SNX9: variants seen among roughly 807,000 people sequenced by gnomAD.
SNX9 encodes sorting nexin-9.
Under a neutral mutation model 89.4 loss-of-function variants are expected in SNX9, and 44 were observed. That is an observed-to-expected ratio of 0.49 (90% CI 0.39 to 0.63). The LOEUF (loss-of-function observed/expected upper bound fraction) is 0.63, where lower values mean the gene tolerates loss of function less well. Among genes scored for constraint, SNX9 ranks in the 30% least tolerant of loss-of-function variants. The pLI, the probability that SNX9 is intolerant of heterozygous loss-of-function variation, is 0.00. For synonymous variants in SNX9, 236 were observed against 247.8 expected, an observed-to-expected ratio of 0.95 and a Z score of 0.45; for missense variants, 578 against 736.1, an observed-to-expected ratio of 0.79 and a Z score of 2.49.
chr6:157,929,360 C>T (rs1783762194), intron 12 of SNX9, among the ~76,000 whole-genome samples: 1 of 152,242 alleles, frequency 6.6e-6, no homozygotes. Flanking sequence ...CGGGCTGCTG[C>T]CCTGTTACAC....
chr6:157,917,481 A>C (rs527448393), intron 9 of SNX9, among the ~76,000 whole-genome samples: 6 of 152,218 alleles, frequency 3.9e-5, no homozygotes, highest in African/African-American at 1.4e-4. Flanking sequence ...TACCTTATTG[A>C]GTTTTCATGT....
In SNX9 at chr6:157,870,318, ACT is replaced by A. The variant is rs140706364; in HGVS notation, c.99+2691_99+2692del. 2.0e-3 allele frequency among the ~76,000 whole-genome samples: 281 copies of A among 140,338 alleles called. 2 individuals carry two copies. The East Asian group carries it at 0.03, about 15-fold the overall frequency. 92.1% of individuals were successfully genotyped at this position (140,338 alleles called of 152,430 possible). ...CACGTGTGAGCACGCACACACACCT[ACT>A]CTCTCACCTGCGCTCACACTCACAC... On this transcript the variant is annotated intron_variant, in intron 2 of 17. Transcript: ENST00000392185.
chr6:157,911,290 G>A (rs527719512), intron 9 of SNX9, among the ~76,000 whole-genome samples: 38 of 152,272 alleles, frequency 2.5e-4, no homozygotes, highest in Admixed American at 3.9e-4. Context: ...TGTAAGAGAT[G>A]TAAAAGAGAC....
intron 1 of SNX9, among the ~76,000 whole-genome samples, chr6:157,840,992 G>A (rs762001614): frequency 6.6e-6 from 1 of 152,116 alleles, no homozygotes; most frequent in Non-Finnish European, 1.5e-5. Flanking sequence ...TCTGATCAGC[G>A]ACTCACTGCA....
At chr6:157,865,452 T>A (rs1393159168) in intron 1 of SNX9, among the ~76,000 whole-genome samples, 1 of 147,352 alleles carries the variant, frequency 6.8e-6, no homozygotes, top group Non-Finnish European at 1.5e-5. Flanking sequence ...CATGACGCCC[T>A]GAGGGGAGCC....
chr6:157,914,537 C>T (rs754441232), intron 9 of SNX9, among the ~76,000 whole-genome samples: 21 of 125,846 alleles, frequency 1.7e-4, no homozygotes, highest in Non-Finnish European at 2.8e-4. Context: ...AGTGCAGTGG[C>T]ACCATCTCAG....
At chr6:157,916,006 G>A (rs980853669) in intron 9 of SNX9, among the ~76,000 whole-genome samples, 2 of 151,006 alleles carry the variant, frequency 1.3e-5, no homozygotes, top group African/African-American at 2.4e-5. Flanking sequence ...CTTTTTTGTG[G>A]GTATGGATTC....
rs1459436010 is a variant in SNX9 at position 157,826,796 on chromosome 6, A to G, written c.12+3350A>G. 8.8e-5 allele frequency among the ~76,000 whole-genome samples: 9 copies of G among 102,642 alleles called. No homozygotes were observed. In the East Asian group the frequency reaches 2.3e-3, roughly 27 times the overall value. 67.3% of individuals were successfully genotyped at this position (102,642 alleles called of 152,430 possible). The stretch of plus-strand genomic sequence containing the variant: ...TATAAATATATTATATTATATATAT[A>G]TATTATATTTTATATATAAATATAT... On this transcript the variant is annotated intron_variant, in intron 1 of 17. Transcript: ENST00000392185.
intron 1 of SNX9, among the ~76,000 whole-genome samples, chr6:157,834,150 G>GGT (rs1781529539): frequency 2.8e-5 from 1 of 35,620 alleles, no homozygotes; most frequent in Non-Finnish European, 4.8e-5. Flanking sequence ...GTCCACTGTG[G>GGT]TTTTTTTTTT....
chr6:157,842,194 T>C (rs1228004538), intron 1 of SNX9, among the ~76,000 whole-genome samples: 1 of 152,240 alleles, frequency 6.6e-6, no homozygotes, highest in Non-Finnish European at 1.5e-5. Context: ...GTTTGCTGTA[T>C]CTATTAAGTT....
chr6:157,866,957 T>G lies in SNX9; in HGVS notation c.13-590T>G, dbSNP rs140952755. ...AATGAAATAGGTGTTTGTTTGTTTG[T>G]TTTTTTAAGAGACTGCAGGGTCTCA... On this transcript the variant is annotated intron_variant, in intron 1 of 17. Coordinates refer to ENST00000392185, the MANE Select transcript of SNX9 (RefSeq NM_016224.5). Among the ~76,000 whole-genome samples, 181 of 152,224 alleles carry G rather than the reference T, an allele frequency of 1.2e-3. 5 individuals are homozygous for G. The highest frequency in any genetic ancestry group is 1.0e-3 in the Non-Finnish European group (70 of 68,006).
At position 157,940,786 on chromosome 6, in the gene SNX9, G is replaced by A; in HGVS notation, c.1649-97G>A. 3.8e-6 allele frequency: 4 copies of A among 1,059,402 alleles called. No homozygotes were observed. In the South Asian group the frequency reaches 5.6e-5, roughly 15 times the overall value. The allele number at this position is 1,059,402 out of a possible 1,614,324, so 65.6% of individuals were successfully genotyped here. ...TGACAACAGCAGCCAACCAGATTAG[G>A]TCAGGTTGATGATTAATTGTAACTG... is the stretch of plus-strand genomic sequence containing the variant. On this transcript the variant is annotated intron_variant, in intron 16 of 17. Transcript: ENST00000392185.
intron 1 of SNX9, among the ~76,000 whole-genome samples, chr6:157,866,296 A>G (rs556887975): frequency 6.6e-6 from 1 of 152,346 alleles, no homozygotes; most frequent in East Asian, 1.9e-4. Flanking sequence ...TAAAAATTTC[A>G]TTTAGGGCTG....
Position 157,902,480 on chromosome 6 carries a change from G to A in SNX9, c.620+435G>A, listed in dbSNP as rs890363625. ...CATGTAGCCCTCATATCCCTTTGTG[G>A]TACATAAAACCCCTGTTTTACTGCA... is the stretch of plus-strand genomic sequence containing the variant. On this transcript the variant is annotated intron_variant, in intron 6 of 17. Transcript: ENST00000392185. 1.8e-4 allele frequency among the ~76,000 whole-genome samples: 27 copies of A among 152,000 alleles called. No individual in the cohort carries two copies. The East Asian group carries it at 4.8e-3, about 27-fold the overall frequency.
chr6:157,900,657 T>C (rs1366385944), intron 5 of SNX9, among the ~76,000 whole-genome samples: 1 of 152,184 alleles, frequency 6.6e-6, no homozygotes, highest in Non-Finnish European at 1.5e-5. Flanking sequence ...GATGGTCACA[T>C]GGGGATGAAG....
chr6:157,917,532 C>G (rs1358653702), intron 9 of SNX9, among the ~76,000 whole-genome samples: 1 of 151,966 alleles, frequency 6.6e-6, no homozygotes, highest in African/African-American at 2.4e-5. Context: ...CTCATAAGTT[C>G]TTATTTGATC....
At chr6:157,837,177 C>T (rs1206888007) in intron 1 of SNX9, among the ~76,000 whole-genome samples, 2 of 152,176 alleles carry the variant, frequency 1.3e-5, no homozygotes, top group Non-Finnish European at 2.9e-5. Context: ...TTTAGTTTCT[C>T]GCCAACTTGT....
intron 2 of SNX9, among the ~76,000 whole-genome samples, chr6:157,870,243 C>T (rs1419898475): frequency 1.3e-5 from 2 of 151,050 alleles, no homozygotes; most frequent in Non-Finnish European, 3.0e-5. Flanking sequence ...CCCTCAGACA[C>T]TCTCACCTGC....
intron 1 of SNX9, among the ~76,000 whole-genome samples, chr6:157,837,291 A>G (rs932450496): frequency 6.6e-6 from 1 of 152,004 alleles, no homozygotes; most frequent in Non-Finnish European, 1.5e-5. Flanking sequence ...GCTGGTTACT[A>G]CTCTTCCTAT....
Sources: allele counts gnomAD v4.1 joint callset (sites outside exome capture counted in the v4.1 genomes callset), GRCh38; gene constraint gnomAD v4.1.1; transcripts MANE v1.5; gene names NCBI Gene and HGNC (gene_info 2026-07-23, HGNC 2026-07-21).